SYT1: variants seen among roughly 807,000 people sequenced by gnomAD.
SYT1 encodes synaptotagmin 1.
SYT1 carries 8 observed loss-of-function variants against 44.8 expected under a neutral mutation model. The observed-to-expected ratio is 0.18, with a 90% CI of 0.10 to 0.32. The LOEUF is 0.32. Ranked by LOEUF, SYT1 falls within the 10% of genes least tolerant of loss-of-function variation. The pLI is 1.00. For missense variants in SYT1, 286 were observed against 509.3 expected (o/e 0.56, Z 4.22); for synonymous variants, 154 against 188.8 (o/e 0.82, Z 1.51).
intron 2 of SYT1, among the ~76,000 whole-genome samples, chr12:79,035,026 G>C (rs746173387): frequency 6.6e-6 from 1 of 151,554 alleles, no homozygotes; most frequent in South Asian, 2.1e-4. Flanking sequence ...TGTCCTTACT[G>C]GTCTTGCATT....
chr12:79,443,996 G>T (rs936181600), intron 9 of SYT1, 77 bp from the exon 10 acceptor site: 1 of 1,493,810 alleles, frequency 6.7e-7, no homozygotes, highest in Non-Finnish European at 9.1e-7. Context: ...GTGGGAAATA[G>T]TTCTTTTATA....
At chr12:78,973,227 T>G (rs61928068) in intron 1 of SYT1, among the ~76,000 whole-genome samples, 7,205 of 152,292 alleles carry the variant, frequency 0.047, 218 homozygotes, top group Admixed American at 0.087. Flanking sequence ...AATTAACATA[T>G]GCATTACCTC....
intron 1 of SYT1, among the ~76,000 whole-genome samples, chr12:78,871,215 A>G (rs1360681646): frequency 6.6e-6 from 1 of 152,078 alleles, no homozygotes; most frequent in African/African-American, 2.4e-5. Flanking sequence ...TTTTTCTACA[A>G]AATCTCTGGA....
intron 3 of SYT1, among the ~76,000 whole-genome samples, chr12:79,195,484 A>G (rs1345877260): frequency 6.8e-6 from 1 of 146,972 alleles, no homozygotes; most frequent in Non-Finnish European, 1.5e-5. Context: ...ACAATCATAT[A>G]TTTGAAAAAA....
chr12:79,038,590 G>A (rs542687051), intron 2 of SYT1, among the ~76,000 whole-genome samples: 2 of 151,998 alleles, frequency 1.3e-5, no homozygotes, highest in South Asian at 2.1e-4. Flanking sequence ...CTGTGCTGAG[G>A]ATATCTGTGC....
At chr12:79,008,915 G>A (rs1288762951) in intron 2 of SYT1, among the ~76,000 whole-genome samples, 1 of 152,064 alleles carries the variant, frequency 6.6e-6, no homozygotes, top group Non-Finnish European at 1.5e-5. Flanking sequence ...ACCTAGAAAA[G>A]AAAATATGAT....
intron 3 of SYT1, among the ~76,000 whole-genome samples, chr12:79,160,212 A>G (rs936182151): frequency 6.6e-6 from 1 of 152,260 alleles, no homozygotes; most frequent in Non-Finnish European, 1.5e-5. Flanking sequence ...CAAAAGGGCA[A>G]AAAGAAGATC....
At chr12:78,940,028 A>G (rs1255052117) in intron 1 of SYT1, among the ~76,000 whole-genome samples, 4 of 152,188 alleles carry the variant, frequency 2.6e-5, no homozygotes, top group Non-Finnish European at 5.9e-5. Flanking sequence ...TTTAGGATAT[A>G]TACATAACTC....
chr12:78,876,604 T>C (rs190031365), intron 1 of SYT1, among the ~76,000 whole-genome samples: 2 of 139,080 alleles, frequency 1.4e-5, no homozygotes, highest in Admixed American at 1.6e-4. Flanking sequence ...TATACACATG[T>C]AAATATATAC....
chr12:78,943,064 TAAG>T (rs889973957), intron 1 of SYT1, among the ~76,000 whole-genome samples: 1 of 152,228 alleles, frequency 6.6e-6, no homozygotes, highest in Non-Finnish European at 1.5e-5. Flanking sequence ...ATTCATTGAC[TAAG>T]AAGAAGATAT....
At chr12:79,321,759 A>C (rs982707404) in intron 8 of SYT1, among the ~76,000 whole-genome samples, 1 of 152,218 alleles carries the variant, frequency 6.6e-6, no homozygotes, top group African/African-American at 2.4e-5. Context: ...GTACACAAGG[A>C]CAAGGACCAA....
intron 8 of SYT1, among the ~76,000 whole-genome samples, chr12:79,339,275 C>T (rs1489236881): frequency 6.6e-6 from 1 of 152,224 alleles, no homozygotes; most frequent in Non-Finnish European, 1.5e-5. Context: ...AACTAATTTA[C>T]ACTCCCACCA....
rs182374837 is a variant in SYT1, at chr12:79,314,914, A to G, written c.810+15363A>G. On this transcript the variant is annotated intron_variant, in intron 8 of 10. Coordinates refer to ENST00000261205, the MANE Select transcript of SYT1 (RefSeq NM_005639.3). ...AAGAAATAGTCTTGATACATGCTAT[A>G]ACACTCATGAGCCAAAATAGGCAAA... is the stretch of plus-strand genomic sequence containing the variant. 2.3e-3 allele frequency among the ~76,000 whole-genome samples: 354 copies of G among 152,346 alleles called. 1 individual carries two copies. Among genetic ancestry groups the G allele is most frequent in the Non-Finnish European group, 4.3e-3 (294 of 68,036 alleles).
chr12:79,242,267 A>C (rs546500140), intron 4 of SYT1, among the ~76,000 whole-genome samples: 2 of 152,276 alleles, frequency 1.3e-5, no homozygotes, highest in East Asian at 3.9e-4. Flanking sequence ...ATTGTCACCC[A>C]CCGCTCCTGA....
At chr12:79,378,922 A>T (rs372601958) in intron 9 of SYT1, among the ~76,000 whole-genome samples, 1 of 152,212 alleles carries the variant, frequency 6.6e-6, no homozygotes, top group East Asian at 1.9e-4. Context: ...TAGGAAATTT[A>T]TGGAAGACGT....
chr12:78,869,626 T>C (rs2137032526), intron 1 of SYT1, among the ~76,000 whole-genome samples: 1 of 152,086 alleles, frequency 6.6e-6, no homozygotes, highest in East Asian at 1.9e-4. Context: ...AAAAAAGCAA[T>C]ATTTAAGAGA....
At chr12:78,870,196 A>G (rs761784743) in intron 1 of SYT1, among the ~76,000 whole-genome samples, 1 of 152,100 alleles carries the variant, frequency 6.6e-6, no homozygotes. Context: ...CATCACAGAT[A>G]CTAGCTTGCA....
intron 3 of SYT1, among the ~76,000 whole-genome samples, chr12:79,088,455 G>A (rs956754534): frequency 6.6e-6 from 1 of 152,052 alleles, no homozygotes; most frequent in African/African-American, 2.4e-5. Context: ...CAGAGCAAAG[G>A]CTGGCTTTCA....
At chr12:78,869,211 CA>C (rs1020675827) in intron 1 of SYT1, among the ~76,000 whole-genome samples, 5 of 149,268 alleles carry the variant, frequency 3.3e-5, no homozygotes, top group Non-Finnish European at 6.0e-5. Context: ...TTAACATTTC[CA>C]AAAAAAAAGA....
Sources: allele counts gnomAD v4.1 joint callset (sites outside exome capture counted in the v4.1 genomes callset), GRCh38; gene constraint gnomAD v4.1.1; transcripts MANE v1.5; gene names NCBI Gene and HGNC (gene_info 2026-07-23, HGNC 2026-07-21).